MARCHF4: variants seen among roughly 807,000 people sequenced by gnomAD.
MARCHF4 encodes E3 ubiquitin-protein ligase MARCHF4.
In MARCHF4, 14 loss-of-function variants were observed where a neutral mutation model predicts 43.9. The ratio of observed to expected loss-of-function variants is 0.32; its 90% CI spans 0.21 to 0.50. The LOEUF is 0.50. Among genes scored for constraint, MARCHF4 ranks in the 20% least tolerant of loss-of-function variants. MARCHF4 has a pLI of 0.98. For synonymous variants in MARCHF4, 226 were observed against 213.3 expected, an observed-to-expected ratio of 1.06 and a Z score of -0.52; for missense variants, 468 against 536.7, an observed-to-expected ratio of 0.87 and a Z score of 1.27.
chr2:216,324,301 G>C (rs1284023691), intron 1 of MARCHF4, among the ~76,000 whole-genome samples: 1 of 146,230 alleles, frequency 6.8e-6, no homozygotes, highest in African/African-American at 2.5e-5. Context: ...AATAACAGGA[G>C]CTGAAATTGT....
At chr2:216,334,212 G>A (rs1382589439) in intron 1 of MARCHF4, among the ~76,000 whole-genome samples, 2 of 152,170 alleles carry the variant, frequency 1.3e-5, no homozygotes, top group Non-Finnish European at 2.9e-5. Flanking sequence ...AAGATGTGAT[G>A]TGAGGAGGAC....
chr2:216,296,275 G>A (rs1691392774), intron 1 of MARCHF4, among the ~76,000 whole-genome samples: 1 of 152,248 alleles, frequency 6.6e-6, no homozygotes, highest in Non-Finnish European at 1.5e-5. Context: ...GCACCCGGGA[G>A]GCAGAGGTTG....
chr2:216,341,640 G>T (rs1352308634), intron 1 of MARCHF4, among the ~76,000 whole-genome samples: 1 of 152,228 alleles, frequency 6.6e-6, no homozygotes, highest in Non-Finnish European at 1.5e-5. Flanking sequence ...TCAAAGCTGA[G>T]GACTGAAGCA....
At chr2:216,326,197 AC>A (rs1691988509) in intron 1 of MARCHF4, among the ~76,000 whole-genome samples, 2 of 152,152 alleles carry the variant, frequency 1.3e-5, no homozygotes, top group African/African-American at 4.8e-5. Flanking sequence ...GCAGCCAAAA[AC>A]CACATGAAAA....
At position 216,293,775 on chromosome 2, in the gene MARCHF4, C is replaced by T. The variant is rs1319610315; in HGVS notation, c.517-10046G>A. On this transcript the variant is annotated intron_variant, in intron 1 of 3. Coordinates refer to ENST00000273067, the MANE Select transcript of MARCHF4 (RefSeq NM_020814.3). ...ACTCAACCAGTACTAGAAAGAAGAA[C>T]TTAGCCTCACAATAATTGAATTTAA... 1.5e-5 allele frequency among the ~76,000 whole-genome samples: 2 copies of T among 135,800 alleles called. 1 individual carries two copies. The highest frequency in any genetic ancestry group is 3.4e-5 in the Non-Finnish European group (2 of 58,642). 89.1% of individuals were successfully genotyped at this position (135,800 alleles called of 152,430 possible). A position where few individuals can be genotyped will look rare whatever the true frequency, so the allele number is the denominator to read the frequency against.
chr2:216,277,925 C>G, intron 2 of MARCHF4, 61 bp from the exon 3 acceptor site: 1 of 1,456,854 alleles, frequency 6.9e-7, no homozygotes, highest in Non-Finnish European at 9.3e-7. Flanking sequence ...ATTCCCACCC[C>G]TCTTCTGTCT....
intron 3 of MARCHF4, among the ~76,000 whole-genome samples, chr2:216,272,424 T>A (rs1399942398): frequency 6.6e-6 from 1 of 152,172 alleles, no homozygotes; most frequent in Non-Finnish European, 1.5e-5. Flanking sequence ...CCAGCAGTTA[T>A]CATGAGGGTC....
At chr2:216,286,802 C>T (rs893556631) in intron 1 of MARCHF4, among the ~76,000 whole-genome samples, 1 of 152,184 alleles carries the variant, frequency 6.6e-6, no homozygotes, top group African/African-American at 2.4e-5. Context: ...ACTGGTCAGA[C>T]CTGTATGTCT....
intron 1 of MARCHF4, among the ~76,000 whole-genome samples, chr2:216,334,460 A>G (rs1692128079): frequency 6.6e-6 from 1 of 151,898 alleles, no homozygotes; most frequent in South Asian, 2.1e-4. Flanking sequence ...GAGTGCAGTG[A>G]TATAATCACA....
chr2:216,277,936 G>C, intron 2 of MARCHF4, 72 bp from the exon 3 acceptor site: 1 of 1,400,126 alleles, frequency 7.1e-7, no homozygotes, highest in East Asian at 2.4e-5. Flanking sequence ...TCTTCTGTCT[G>C]CTGCTCCAAC....
chr2:216,357,792 T>G (rs1342468665), intron 1 of MARCHF4, among the ~76,000 whole-genome samples: 1 of 152,228 alleles, frequency 6.6e-6, no homozygotes, highest in Admixed American at 6.5e-5. Context: ...CAAGCTACAG[T>G]AAATTGAAGG....
chr2:216,302,105 C>T (rs1435701414), intron 1 of MARCHF4, among the ~76,000 whole-genome samples: 3 of 152,178 alleles, frequency 2.0e-5, no homozygotes, highest in Non-Finnish European at 4.4e-5. Flanking sequence ...GATAAAAATT[C>T]AAAATTTGCA....
At chr2:216,277,156 A>G (rs1421433869) in intron 3 of MARCHF4, among the ~76,000 whole-genome samples, 1 of 152,184 alleles carries the variant, frequency 6.6e-6, no homozygotes, top group African/African-American at 2.4e-5. Context: ...GTGAGGCCCC[A>G]GTACTACACA....
At chr2:216,347,170 A>G (rs1361766866) in intron 1 of MARCHF4, among the ~76,000 whole-genome samples, 1 of 152,174 alleles carries the variant, frequency 6.6e-6, no homozygotes, top group East Asian at 1.9e-4. Context: ...AGTCTCAGGT[A>G]TTTCTTGATA....
At position 216,354,891 on chromosome 2, in the gene MARCHF4, T is replaced by TTTTCTTTCTTTCTTTCTTTCTTTC. The variant is rs71054468; in HGVS notation, c.516+14830_516+14853dup. Among the ~76,000 whole-genome samples the TTTTCTTTCTTTCTTTCTTTCTTTC allele has an allele frequency of 1.2e-3, 103 of 86,766 alleles. 2 individuals carry two copies. The highest frequency in any genetic ancestry group is 2.6e-3 in the East Asian group (7 of 2,694). The allele number at this position is 86,766 out of a possible 152,430, so 56.9% of individuals were successfully genotyped here. ...GTTCATGAAACTTATTTAATAATTG[T>TTTTCTTTCTTTCTTTCTTTCTTTC]TTTCTTTCTTTCTTTCTTTCTTTCT... On this transcript the variant is annotated intron_variant, in intron 1 of 3. Coordinates refer to ENST00000273067, the MANE Select transcript of MARCHF4 (RefSeq NM_020814.3).
At chr2:216,315,120 G>A (rs945242280) in intron 1 of MARCHF4, among the ~76,000 whole-genome samples, 1 of 152,112 alleles carries the variant, frequency 6.6e-6, no homozygotes, top group Non-Finnish European at 1.5e-5. Flanking sequence ...CCAAAGAAGG[G>A]GAAAAAGGTC....
At chr2:216,342,351 G>A (rs1361997465) in intron 1 of MARCHF4, among the ~76,000 whole-genome samples, 3 of 152,212 alleles carry the variant, frequency 2.0e-5, no homozygotes, top group African/African-American at 4.8e-5. Context: ...GCCAACAGGA[G>A]AACTCATCTG....
chr2:216,343,814 T>C (rs1276078441), intron 1 of MARCHF4, among the ~76,000 whole-genome samples: 1 of 152,180 alleles, frequency 6.6e-6, no homozygotes, highest in African/African-American at 2.4e-5. Context: ...ATCAGGATTG[T>C]AACTGAAGTC....
rs376198495 is a variant in MARCHF4 at position 216,259,512 on chromosome 2, G to C, written c.1033C>G (p.Pro345Ala). ...CCTGCGGTCTCCTCTTCCGAGGAGG[G>C]GATATTGGCCTGGGTGGATGAGGAG... ...RTSSSTQANI[P>A]SSEEETAGTP... Residue 345 changes from proline to alanine, a missense_variant, in exon 4 of 4, where the codon CCC becomes GCC. Pro to Ala is a conservative substitution (Grantham distance 27). Transcript: ENST00000273067. 6.8e-6 allele frequency: 11 copies of C among 1,614,090 alleles called. No individual in the cohort carries two copies. Among genetic ancestry groups the C allele is most frequent in the Non-Finnish European group, 8.5e-6 (10 of 1,180,038 alleles).
Sources: gnomAD v4.1 joint callset for allele counts (sites outside exome capture counted in the v4.1 genomes callset) on GRCh38, gnomAD v4.1.1 for gene constraint, MANE v1.5 for transcripts, NCBI Gene and HGNC (gene_info 2026-07-23, HGNC 2026-07-21) for gene names.